The following TRIO variants were observed in gnomAD, a reference collection of about 807,000 sequenced individuals.
TRIO encodes the protein trio Rho guanine nucleotide exchange factor.
A neutral mutation model predicts 351.9 loss-of-function variants in TRIO; 58 were observed. The ratio of observed to expected loss-of-function variants is 0.16; its 90% CI spans 0.13 to 0.21. The LOEUF is 0.21. TRIO is among the 10% of genes least tolerant of loss of function. TRIO has a pLI of 1.00. For missense variants in TRIO, 3,201 were observed against 4,027.8 expected (o/e 0.79, Z 5.56); for synonymous variants, 1,758 against 1,595.7 (o/e 1.10, Z -2.42).
chr5:14,358,255 C>T lies in TRIO; in HGVS notation c.2124C>T (p.Asp708=). 19 of 1,614,142 alleles carry T rather than the reference C, an allele frequency of 1.2e-5. No individual in the cohort carries two copies. Among genetic ancestry groups the T allele is most frequent in the Non-Finnish European group, 1.6e-5 (19 of 1,180,018 alleles). The change falls in exon 12 of 57, where the codon GAC becomes GAT. Residue 708 remains aspartate, a synonymous_variant. Transcript: ENST00000344204. ...VYAESVEAVQ[D]LIKRFGQQQQ... The stretch of plus-strand genomic sequence containing the variant: ...CCGAGTCGGTGGAGGCCGTGCAGGA[C>T]CTCATCAAGCGCTTTGGCCAGCAGC...
chr5:14,316,803 T>A, intron 9 of TRIO, 60 bp downstream of exon 9: 1 of 1,483,268 alleles, frequency 6.7e-7, no homozygotes, highest in East Asian at 2.5e-5. Context: ...AGAGTTTAAA[T>A]ACATCATCAT....
At chr5:14,425,605 G>C (rs1750576618) in intron 34 of TRIO, among the ~76,000 whole-genome samples, 1 of 152,140 alleles carries the variant, frequency 6.6e-6, no homozygotes, top group Admixed American at 6.5e-5. Flanking sequence ...TGGTACTGTT[G>C]TCTGAATGTT....
intron 40 of TRIO, 78 bp from the exon 41 acceptor site, chr5:14,476,816 A>C: frequency 7.7e-7 from 1 of 1,300,278 alleles, no homozygotes; most frequent in Non-Finnish European, 1.1e-6. Flanking sequence ...AAAAAAGAAA[A>C]AGAAAAAATG....
chr5:14,221,612 G>T (rs1407614692), intron 1 of TRIO, among the ~76,000 whole-genome samples: 3 of 152,180 alleles, frequency 2.0e-5, no homozygotes, highest in Non-Finnish European at 4.4e-5. Flanking sequence ...GCACTTCAGT[G>T]GAAGAAGTAA....
intron 11 of TRIO, among the ~76,000 whole-genome samples, chr5:14,340,253 C>G (rs1425193317): frequency 6.6e-6 from 1 of 151,954 alleles, no homozygotes; most frequent in Non-Finnish European, 1.5e-5. Flanking sequence ...AAAAATTAGC[C>G]AGGCGTGGTG....
intron 1 of TRIO, among the ~76,000 whole-genome samples, chr5:14,265,602 G>C (rs539886827): frequency 6.6e-6 from 1 of 152,202 alleles, no homozygotes; most frequent in Admixed American, 6.5e-5. Flanking sequence ...GTTGTTCCTG[G>C]ACTATTTGTT....
At chr5:14,218,832 G>A (rs1180764803) in intron 1 of TRIO, among the ~76,000 whole-genome samples, 1 of 152,234 alleles carries the variant, frequency 6.6e-6, no homozygotes, top group African/African-American at 2.4e-5. Flanking sequence ...AATTTCCAAA[G>A]GCTGTGAACT....
chr5:14,403,702 T>TG (rs1748413604), intron 31 of TRIO, among the ~76,000 whole-genome samples: 1 of 24,960 alleles, frequency 4.0e-5, no homozygotes, highest in Non-Finnish European at 7.8e-5. Context: ...GGGTGTAGGT[T>TG]GTGGTGAGGG....
At chr5:14,352,903 A>C (rs923846720) in intron 11 of TRIO, among the ~76,000 whole-genome samples, 2 of 150,088 alleles carry the variant, frequency 1.3e-5, no homozygotes, top group African/African-American at 4.9e-5. Flanking sequence ...TTTTTTTTTA[A>C]CTACCAGGTG....
chr5:14,418,576 TG>T (rs1749841140), intron 33 of TRIO, among the ~76,000 whole-genome samples: 1 of 151,700 alleles, frequency 6.6e-6, no homozygotes, highest in Non-Finnish European at 1.5e-5. Flanking sequence ...ATTTAGGGGG[TG>T]GGAGGGCATG....
intron 7 of TRIO, among the ~76,000 whole-genome samples, chr5:14,303,214 T>G (rs2463800): frequency 3.2e-3 from 274 of 86,974 alleles, no homozygotes; most frequent in Middle Eastern, 8.6e-3. Flanking sequence ...ATGGGGGGTG[T>G]CAGTGGAGGA....
In TRIO at chr5:14,231,818, C is replaced by G. The variant is rs1222213829; in HGVS notation, c.158-39007C>G. On this transcript the variant is annotated intron_variant, in intron 1 of 56. Transcript: ENST00000344204. ...GATTTCTTGTATTTCCTTGGAGAGT[C>G]TTACATAGGCATAAGCCAGTGACTG... Among the ~76,000 whole-genome samples, 4 of 149,300 alleles carry G rather than the reference C, an allele frequency of 2.7e-5. No individual in the cohort carries two copies. The South Asian group carries it at 6.4e-4, about 24-fold the overall frequency.
intron 34 of TRIO, among the ~76,000 whole-genome samples, chr5:14,422,850 T>A (rs1750293983): frequency 6.6e-6 from 1 of 152,204 alleles, no homozygotes; most frequent in Non-Finnish European, 1.5e-5. Flanking sequence ...TGTGGCCAGG[T>A]GCGGTGGCAC....
chr5:14,421,549 A>C (rs1413664049), intron 34 of TRIO, among the ~76,000 whole-genome samples: 2 of 149,946 alleles, frequency 1.3e-5, no homozygotes, highest in Admixed American at 1.3e-4. Flanking sequence ...GGTTGTAGGG[A>C]GCAGAGATCG....
chr5:14,478,168 TA>T (rs1406076184), intron 41 of TRIO, among the ~76,000 whole-genome samples: 2 of 152,256 alleles, frequency 1.3e-5, no homozygotes, highest in Non-Finnish European at 2.9e-5. Context: ...CAAGTGCAAT[TA>T]AAGTGTTATG....
chr5:14,216,374 GC>G (rs1792227680), intron 1 of TRIO, among the ~76,000 whole-genome samples: 1 of 152,194 alleles, frequency 6.6e-6, no homozygotes, highest in East Asian at 1.9e-4. Flanking sequence ...AGTTTTGCCT[GC>G]CCATTTATGT....
rs1216511682 is a variant in TRIO, at chr5:14,504,593, T to C, written c.8612T>C (p.Met2871Thr). The C allele has an allele frequency of 1.9e-6, 3 of 1,614,048 alleles. No individual in the cohort carries two copies. Among genetic ancestry groups the C allele is most frequent in the Non-Finnish European group, 2.5e-6 (3 of 1,180,000 alleles). ...ACCAGCTACATCCTGGTCTTAGAAA[T>C]GTGCGTACACACCTGGCCTTCCCTC... ...TPTSYILVLE[M>T]ADQGRLLDCV... Residue 2871 changes from methionine (M) to threonine (T), a missense_variant and splice_region_variant, in exon 55 of 57, where the codon ATG (methionine) becomes ACG (threonine). Physicochemically the swap from Met to Thr is moderately conservative, Grantham distance 81 (BLOSUM62 -1). This residue lies in a region of TRIO where 1,089 missense variants were observed against 954.9 expected (regional missense o/e 1.14). Transcript: ENST00000344204.
At chr5:14,504,319 T>G in intron 54 of TRIO, 74 bp from the exon 55 acceptor site, 1 of 1,530,030 alleles carries the variant, frequency 6.5e-7, no homozygotes, top group Non-Finnish European at 8.9e-7. Context: ...GCCAGTCCAT[T>G]TAGGATAACA....
chr5:14,412,295 C>T (rs926615161), intron 33 of TRIO, among the ~76,000 whole-genome samples: 10 of 152,124 alleles, frequency 6.6e-5, no homozygotes, highest in East Asian at 3.9e-4. Flanking sequence ...GCCACGGTTC[C>T]GTGTATTTTA....
Sources: gnomAD v4.1 joint callset for allele counts (sites outside exome capture counted in the v4.1 genomes callset) on GRCh38, gnomAD v4.1.1 for gene constraint, gnomAD v4.1.1 regional missense constraint, MANE v1.5 for transcripts, NCBI Gene and HGNC (gene_info 2026-07-23, HGNC 2026-07-21) for gene names.